NOL4: variants seen among roughly 807,000 people sequenced by gnomAD.
NOL4 encodes cancer/testis antigen 125.
In NOL4, 17 loss-of-function variants were observed where a neutral mutation model predicts 75.9. That is an observed-to-expected ratio of 0.22 (90% CI 0.15 to 0.34). The LOEUF is 0.34. Ranked by LOEUF, NOL4 falls within the 10% of genes least tolerant of loss-of-function variation. The pLI, the probability that NOL4 is intolerant of heterozygous loss-of-function variation, is 1.00. For synonymous variants in NOL4, 292 were observed against 289.9 expected, an observed-to-expected ratio of 1.01 and a Z score of -0.07; for missense variants, 614 against 793.5, an observed-to-expected ratio of 0.77 and a Z score of 2.72.
intron 1 of NOL4, among the ~76,000 whole-genome samples, chr18:34,138,432 G>A (rs546068095): frequency 1.3e-5 from 2 of 152,066 alleles, no homozygotes; most frequent in East Asian, 3.9e-4. Flanking sequence ...AATGACAGTA[G>A]TTTATTGCTT....
chr18:33,994,241 A>C (rs2146145550), intron 6 of NOL4, among the ~76,000 whole-genome samples: 1 of 152,078 alleles, frequency 6.6e-6, no homozygotes, highest in Non-Finnish European at 1.5e-5. Context: ...GAATAGATAG[A>C]ATAACTAGGC....
intron 2 of NOL4, among the ~76,000 whole-genome samples, chr18:34,119,788 AT>A (rs1259062212): frequency 1.1e-4 from 17 of 151,810 alleles, no homozygotes; most frequent in African/African-American, 3.1e-4. Flanking sequence ...CGCCTGGCTA[AT>A]TTTTTTGTAC....
At chr18:34,192,579 T>G (rs529119493) in intron 1 of NOL4, among the ~76,000 whole-genome samples, 1 of 152,166 alleles carries the variant, frequency 6.6e-6, no homozygotes, top group Non-Finnish European at 1.5e-5. Flanking sequence ...CAATTGATTT[T>G]TAATAAAGGT....
At chr18:34,088,711 C>A (rs1338030731) in intron 5 of NOL4, among the ~76,000 whole-genome samples, 1 of 151,896 alleles carries the variant, frequency 6.6e-6, no homozygotes, top group Non-Finnish European at 1.5e-5. Context: ...TCTTTTAAGT[C>A]TGTAAAAAAA....
chr18:33,992,648 C>T (rs1391871036), intron 6 of NOL4, among the ~76,000 whole-genome samples: 1 of 151,970 alleles, frequency 6.6e-6, no homozygotes. Context: ...GCTATCTACC[C>T]AGGAGGGGCA....
At chr18:33,941,045 C>A in intron 9 of NOL4, among the ~76,000 whole-genome samples, 1 of 151,954 alleles carries the variant, frequency 6.6e-6, no homozygotes, top group East Asian at 1.9e-4. Context: ...AATAGCAGAT[C>A]TTTAGTACCA....
chr18:34,194,414 AGGAG>A (rs1411242526), intron 1 of NOL4, among the ~76,000 whole-genome samples: 5 of 120,722 alleles, frequency 4.1e-5, no homozygotes, highest in Non-Finnish European at 8.7e-5. Flanking sequence ...AAGGTAGGGA[AGGAG>A]GGAGGGAGGG....
chr18:33,884,643 G>T (rs1326711144), intron 9 of NOL4, among the ~76,000 whole-genome samples: 3 of 150,810 alleles, frequency 2.0e-5, no homozygotes, highest in Non-Finnish European at 2.9e-5. Context: ...TAATAGGAAA[G>T]AATTATAAAG....
At chr18:34,033,449 G>GA (rs930567292) in intron 5 of NOL4, among the ~76,000 whole-genome samples, 1 of 151,584 alleles carries the variant, frequency 6.6e-6, no homozygotes, top group African/African-American at 2.4e-5. Flanking sequence ...TCAAGCAGAA[G>GA]AAAAAAATCT....
rs918330545 is a variant in NOL4 at position 33,851,292 on chromosome 18, C to T, written c.*1550G>A. The T allele has an allele frequency of 4.0e-5, 6 of 151,790 alleles. No individual in the cohort carries two copies. Among genetic ancestry groups the T allele is most frequent in the Non-Finnish European group, 7.4e-5 (5 of 67,734 alleles). 9.4% of individuals were successfully genotyped at this position (151,790 alleles called of 1,614,324 possible). A position where few individuals can be genotyped will look rare whatever the true frequency, so the allele number is the denominator to read the frequency against. The stretch of plus-strand genomic sequence containing the variant: ...CACATTATATTCACCAACAGTATCA[C>T]AAAAGTTTTTTTTTTGTTTTTTGTT... On this transcript the variant is annotated 3_prime_UTR_variant, in exon 11 of 11. Transcript: ENST00000261592.
chr18:33,898,114 T>A (rs2144932837), intron 9 of NOL4, among the ~76,000 whole-genome samples: 1 of 152,248 alleles, frequency 6.6e-6, no homozygotes, highest in Non-Finnish European at 1.5e-5. Context: ...GGCCTCCCTA[T>A]GTTGGCCAGG....
chr18:33,874,590 G>C (rs1197672777), intron 10 of NOL4, among the ~76,000 whole-genome samples: 1 of 151,886 alleles, frequency 6.6e-6, no homozygotes, highest in East Asian at 1.9e-4. Flanking sequence ...CAAGTAAAGA[G>C]CAAAAATCCA....
chr18:33,866,352 ATT>A (rs1349875292), intron 10 of NOL4, among the ~76,000 whole-genome samples: 2 of 152,052 alleles, frequency 1.3e-5, no homozygotes, highest in Middle Eastern at 3.2e-3. Context: ...GTCTTTATCC[ATT>A]TGTGTTTTAT....
chr18:34,011,912 C>A (rs2074393334), intron 6 of NOL4, among the ~76,000 whole-genome samples: 1 of 151,812 alleles, frequency 6.6e-6, no homozygotes, highest in South Asian at 2.1e-4. Flanking sequence ...AAAAGGAACT[C>A]AAAATGCACA....
intron 6 of NOL4, among the ~76,000 whole-genome samples, chr18:34,014,512 T>A (rs1454505402): frequency 6.6e-6 from 1 of 152,158 alleles, no homozygotes; most frequent in African/African-American, 2.4e-5. Context: ...TTTTTAAGTA[T>A]TCACTGCCAT....
In NOL4 at chr18:34,190,644, G is replaced by A. The variant is rs887027387; in HGVS notation, c.264+32346C>T. 2.6e-5 allele frequency among the ~76,000 whole-genome samples: 4 copies of A among 151,520 alleles called. No homozygotes were observed. In the East Asian group the frequency reaches 7.8e-4, roughly 29 times the overall value. On this transcript the variant is annotated intron_variant, in intron 1 of 10. Transcript: ENST00000261592. ...ATAAATTGAGTAGAACAGGTCAAAGGAAGAGTACAAAGACATTTTTAATAT... is the reference window on the plus strand; with the variant it reads ...ATAAATTGAGTAGAACAGGTCAAAGAAAGAGTACAAAGACATTTTTAATAT...
chr18:34,079,637 G>A (rs2077908713), intron 5 of NOL4, among the ~76,000 whole-genome samples: 3 of 151,122 alleles, frequency 2.0e-5, no homozygotes, highest in South Asian at 2.1e-4. Flanking sequence ...TTTTCCCAGT[G>A]AGCATCACAT....
intron 10 of NOL4, among the ~76,000 whole-genome samples, chr18:33,878,065 T>C (rs1239005018): frequency 6.6e-6 from 1 of 152,054 alleles, no homozygotes; most frequent in Non-Finnish European, 1.5e-5. Flanking sequence ...TGAAAGCCCA[T>C]AGAAGGTTTT....
chr18:33,871,953 G>A (rs188817676), intron 10 of NOL4, among the ~76,000 whole-genome samples: 26 of 152,006 alleles, frequency 1.7e-4, no homozygotes, highest in South Asian at 2.1e-4. Flanking sequence ...AATTATATTC[G>A]CAGATAATTT....
Sources: gnomAD v4.1 joint callset for allele counts (sites outside exome capture counted in the v4.1 genomes callset) on GRCh38, gnomAD v4.1.1 for gene constraint, MANE v1.5 for transcripts, NCBI Gene and HGNC (gene_info 2026-07-23, HGNC 2026-07-21) for gene names.